The following KYNU variants were observed in gnomAD, a reference collection of about 807,000 sequenced individuals.
KYNU encodes the protein kynureninase.
KYNU carries 54 observed loss-of-function variants against 59.2 expected under a neutral mutation model. The ratio of observed to expected loss-of-function variants is 0.91; its 90% confidence interval spans 0.73 to 1.14. The LOEUF (loss-of-function observed/expected upper bound fraction) is 1.14. Ranked by LOEUF, KYNU falls within the 50% of genes most tolerant of loss-of-function variation. The pLI is 0.00. For synonymous variants in KYNU, 177 were observed against 192.0 expected (o/e 0.92, Z 0.65); for missense variants, 567 against 554.4 (o/e 1.02, Z -0.23).
intron 11 of KYNU, among the ~76,000 whole-genome samples, chr2:143,030,620 G>A (rs146623085): frequency 6.2e-4 from 94 of 152,076 alleles, no homozygotes; most frequent in African/African-American, 2.1e-3. Context: ...GACTAGAGGT[G>A]TGCACCACCA....
intron 2 of KYNU, among the ~76,000 whole-genome samples, chr2:142,907,861 C>T (rs7564368): frequency 0.047 from 7,127 of 152,212 alleles, 239 homozygotes; most frequent in Middle Eastern, 0.12. Context: ...CTTAGGAATT[C>T]TTAGTCAACC....
chr2:142,905,341 CG>C (rs1314308913), intron 2 of KYNU, among the ~76,000 whole-genome samples: 1 of 152,172 alleles, frequency 6.6e-6, no homozygotes. Flanking sequence ...GACAGACCAA[CG>C]ATTAGGGAAT....
chr2:143,049,368 G>A lies in KYNU; in HGVS notation c.*7196G>A, dbSNP rs1243998227. ...TTCCCTGCATCAGCTGTTTTGCCTGGTGGCTGCCACCAACGCTTTTAGCTA... is the reference window on the plus strand; with the variant it reads ...TTCCCTGCATCAGCTGTTTTGCCTGATGGCTGCCACCAACGCTTTTAGCTA... On this transcript the variant is annotated 3_prime_UTR_variant, in exon 14 of 14. Transcript: ENST00000264170. The A allele has an allele frequency of 6.6e-6, 1 of 152,042 alleles. No individual in the cohort carries two copies. Among genetic ancestry groups the A allele is most frequent in the Non-Finnish European group, 1.5e-5 (1 of 68,046 alleles). 9.4% of individuals were successfully genotyped at this position (152,042 alleles called of 1,614,324 possible).
chr2:143,042,024 G>T (rs1687071077), intron 13 of KYNU, 23 bp from the exon 14 acceptor site: 1 of 1,609,968 alleles, frequency 6.2e-7, no homozygotes, highest in Non-Finnish European at 8.5e-7. Context: ...TAACATTATT[G>T]TGGCTTTATT....
At chr2:142,985,486 T>C (rs962878079) in intron 9 of KYNU, among the ~76,000 whole-genome samples, 12 of 151,936 alleles carry the variant, frequency 7.9e-5, no homozygotes, top group Non-Finnish European at 1.3e-4. Flanking sequence ...AGTTTTTTTA[T>C]TGATAAGTTG....
intron 10 of KYNU, among the ~76,000 whole-genome samples, chr2:143,001,608 T>C (rs552010875): frequency 6.6e-6 from 1 of 152,190 alleles, no homozygotes; most frequent in Non-Finnish European, 1.5e-5. Context: ...TGCTGGCTTG[T>C]TAAGATACTC....
intron 10 of KYNU, chr2:142,990,007 G>A (rs141966642): frequency 6.6e-6 from 1 of 151,836 alleles, no homozygotes; most frequent in African/African-American, 2.4e-5. Flanking sequence ...TTTTCCAAGA[G>A]CCCTTTGCCC....
intron 10 of KYNU, chr2:142,989,572 A>C (rs1267449676): frequency 2.4e-6 from 2 of 838,338 alleles, no homozygotes; most frequent in Non-Finnish European, 2.9e-6. Context: ...TCACTCTTTA[A>C]CAAGTATTTT....
At chr2:143,010,674 A>G (rs1266022177) in intron 10 of KYNU, among the ~76,000 whole-genome samples, 1 of 148,364 alleles carries the variant, frequency 6.7e-6, no homozygotes, top group Admixed American at 6.7e-5. Flanking sequence ...CTACAAGCCT[A>G]CAGTAACCAA....
intron 2 of KYNU, among the ~76,000 whole-genome samples, chr2:142,885,972 G>GGA (rs1681495547): frequency 6.6e-6 from 1 of 152,078 alleles, no homozygotes; most frequent in Non-Finnish European, 1.5e-5. Flanking sequence ...TATTAGAAGA[G>GGA]ATGTTATATG....
intron 2 of KYNU, among the ~76,000 whole-genome samples, chr2:142,906,702 A>C (rs1682308508): frequency 6.6e-6 from 1 of 152,158 alleles, no homozygotes; most frequent in African/African-American, 2.4e-5. Flanking sequence ...TTGGGGCTAC[A>C]CTTTCAAGAA....
intron 8 of KYNU, among the ~76,000 whole-genome samples, chr2:142,984,623 C>G (rs1685146409): frequency 6.6e-6 from 1 of 151,952 alleles, no homozygotes; most frequent in African/African-American, 2.4e-5. Flanking sequence ...ATGTGTACTT[C>G]CCACACTCAA....
intron 10 of KYNU, among the ~76,000 whole-genome samples, chr2:143,021,371 T>C (rs916534288): frequency 3.3e-5 from 5 of 152,194 alleles, no homozygotes; most frequent in African/African-American, 1.2e-4. Flanking sequence ...AGAATCAGCT[T>C]TTCTTCTTCC....
intron 4 of KYNU, among the ~76,000 whole-genome samples, chr2:142,945,938 A>G (rs1683762379): frequency 6.6e-6 from 1 of 151,802 alleles, no homozygotes; most frequent in African/African-American, 2.4e-5. Flanking sequence ...GGGTTTCACC[A>G]TGTTGACCAG....
chr2:143,018,491 T>C (rs1001605977), intron 10 of KYNU, among the ~76,000 whole-genome samples: 1 of 152,192 alleles, frequency 6.6e-6, no homozygotes, highest in Non-Finnish European at 1.5e-5. Flanking sequence ...GTCCTATTGG[T>C]CTATGTGTCT....
intron 10 of KYNU, 43 bp from the exon 11 acceptor site, chr2:143,029,584 C>CA (rs780422457): frequency 1.1e-4 from 147 of 1,376,538 alleles, no homozygotes; most frequent in East Asian, 2.1e-4. Flanking sequence ...AGACTCCATC[C>CA]AAAAAAACCC....
intron 12 of KYNU, among the ~76,000 whole-genome samples, chr2:143,037,047 G>T: frequency 6.6e-6 from 1 of 152,050 alleles, no homozygotes; most frequent in East Asian, 1.9e-4. Context: ...ATGTGTATAT[G>T]GTTGATTGAT....
intron 7 of KYNU, among the ~76,000 whole-genome samples, chr2:142,959,944 T>C (rs1684288070): frequency 6.6e-6 from 1 of 152,210 alleles, no homozygotes; most frequent in African/African-American, 2.4e-5. Flanking sequence ...TTAGTTTTTT[T>C]CTGAGACAGA....
intron 8 of KYNU, among the ~76,000 whole-genome samples, chr2:142,980,204 T>TGAGC (rs1685011578): frequency 6.6e-6 from 1 of 152,106 alleles, no homozygotes; most frequent in Non-Finnish European, 1.5e-5. Context: ...TAGCTTATAA[T>TGAGC]TAGCTTATAA....
Sources: allele counts gnomAD v4.1 joint callset (sites outside exome capture counted in the v4.1 genomes callset), GRCh38; gene constraint gnomAD v4.1.1; transcripts MANE v1.5; gene names NCBI Gene and HGNC (gene_info 2026-07-23, HGNC 2026-07-21).